Variants in PRDM15 observed in about 807,000 individuals in gnomAD.
The protein encoded by PRDM15 is PR domain zinc finger protein 15.
PRDM15 carries 64 observed loss-of-function variants against 128.6 expected under a neutral mutation model. The ratio of observed to expected loss-of-function variants is 0.50; its 90% CI spans 0.41 to 0.61. PRDM15 has a LOEUF of 0.61. PRDM15 is among the 20% of genes least tolerant of loss of function. The pLI, the probability that PRDM15 is intolerant of heterozygous loss-of-function variation, is 0.00. For synonymous variants in PRDM15, 615 were observed against 621.8 expected (o/e 0.99, Z 0.16); for missense variants, 1,242 against 1,569.1 (o/e 0.79, Z 3.52).
chr21:41,839,921 T>C (rs1351378238), intron 6 of PRDM15, 68 bp from the exon 7 acceptor site: 2 of 1,334,006 alleles, frequency 1.5e-6, no homozygotes, highest in Admixed American at 1.8e-5. Flanking sequence ...CACCCTGGCC[T>C]CTGGTTCCTA....
At chr21:41,842,429 G>A (rs1450067507) in intron 6 of PRDM15, among the ~76,000 whole-genome samples, 2 of 152,186 alleles carry the variant, frequency 1.3e-5, no homozygotes, top group East Asian at 1.9e-4. Context: ...AATAATCAGT[G>A]TATTCATAAT....
rs1345949827 is a variant in PRDM15 at position 41,801,458 on chromosome 21, A to G, written c.3208T>C (p.Ser1070Pro). The change falls in exon 24 of 24, where the codon TCG (serine) becomes CCG (proline). Residue 1070 changes from serine (S) to proline (P), a missense_variant. Physicochemically the swap from Ser to Pro is moderately conservative, Grantham distance 74. Around this residue, in one of 3 missense-constraint regions of PRDM15, gnomAD observed 602 missense variants for 788.3 expected, o/e 0.76. Transcript: ENST00000398548. Reference sequence around the variant, plus strand: ...AAATGGGCCACAGACTGTGGGTTCGAGGCTTCCGGCTGGGGGTGGATCTGG... The same window carrying G: ...AAATGGGCCACAGACTGTGGGTTCGGGGCTTCCGGCTGGGGGTGGATCTGG... ...DVQIHPQPEA[S>P]NPQSVAHFIN... The G allele has an allele frequency of 1.2e-6, 2 of 1,614,078 alleles. No homozygotes were observed. The highest frequency in any genetic ancestry group is 2.2e-5 in the South Asian group (2 of 91,078).
Position 41,815,696 on chromosome 21 carries a change from C to T in PRDM15, c.2392+9G>A, listed in dbSNP as rs770476969. The T allele has an allele frequency of 1.1e-5, 17 of 1,612,418 alleles. No homozygotes were observed. Among genetic ancestry groups the T allele is most frequent in the Admixed American group, 8.3e-5 (5 of 59,986 alleles). ...GCCGTGGCTGGCGCGGCCCGGGCCT[C>T]GGACTCACCCGTGTGCCGCTTGCAG... On this transcript the variant is annotated intron_variant, in intron 19 of 23. Coordinates refer to ENST00000398548, the MANE Select transcript of PRDM15 (RefSeq NM_001040424.3).
At chr21:41,855,649 C>T (rs920829554) in intron 4 of PRDM15, among the ~76,000 whole-genome samples, 1 of 152,188 alleles carries the variant, frequency 6.6e-6, no homozygotes, top group African/African-American at 2.4e-5. Context: ...GAGCTGAACG[C>T]TGGTGCATGC....
At chr21:41,825,937 C>T in intron 13 of PRDM15, 23 bp downstream of exon 13, 1 of 1,562,228 alleles carries the variant, frequency 6.4e-7, no homozygotes, top group African/African-American at 1.4e-5. Flanking sequence ...ATCTCAGCGT[C>T]CGACGTGGAC....
chr21:41,803,691 C>A (rs912940547), intron 22 of PRDM15, among the ~76,000 whole-genome samples: 3 of 152,158 alleles, frequency 2.0e-5, no homozygotes, highest in African/African-American at 7.2e-5. Context: ...GTAGAAATGG[C>A]CTGTGGGTTC....
chr21:41,836,353 C>T lies in PRDM15; in HGVS notation c.1183+115G>A. 3.0e-6 allele frequency: 4 copies of T among 1,313,686 alleles called. 1 individual carries two copies. Among genetic ancestry groups the T allele is most frequent in the Non-Finnish European group, 4.3e-6 (4 of 938,308 alleles). The allele number at this position is 1,313,686 out of a possible 1,614,324, so 81.4% of individuals were successfully genotyped here. ...ATGATCGCCCACAAATGCAGCCTCT[C>T]ACTGGCGCAGCTCGTGGGAGACGAC... is the stretch of plus-strand genomic sequence containing the variant. On this transcript the variant is annotated intron_variant, in intron 9 of 23. Coordinates refer to ENST00000398548, the MANE Select transcript of PRDM15 (RefSeq NM_001040424.3).
rs1555883669 is a variant in PRDM15 at position 41,843,950 on chromosome 21, TAAAAA to T, written c.640+3135_640+3139del. On this transcript the variant is annotated intron_variant, in intron 6 of 23. Coordinates refer to ENST00000398548, the MANE Select transcript of PRDM15 (RefSeq NM_001040424.3). ...GGTGACAGGGCAAGACCTTGTATTGTAAAAAAAAAAAAAAAAAAAAAGAAAGAAAG... is the reference window on the plus strand; with the variant it reads ...GGTGACAGGGCAAGACCTTGTATTGTAAAAAAAAAAAAAAAAGAAAGAAAG... Among the ~76,000 whole-genome samples the T allele has an allele frequency of 6.7e-4, 82 of 123,258 alleles. 1 individual carries two copies. In the Middle Eastern group the frequency reaches 0.02, roughly 31 times the overall value. The allele number at this position is 123,258 out of a possible 152,430, so 80.9% of individuals were successfully genotyped here. A position where few individuals can be genotyped will look rare whatever the true frequency, so the allele number is the denominator to read the frequency against.
At position 41,832,256 on chromosome 21, in the gene PRDM15, G is replaced by A. The variant is rs1227492439; in HGVS notation, c.1366+3181C>T. On this transcript the variant is annotated intron_variant, in intron 11 of 23. Coordinates refer to ENST00000398548, the MANE Select transcript of PRDM15 (RefSeq NM_001040424.3). The surrounding 1 kb of genome is among the most constrained non-coding windows in gnomAD (Gnocchi z 4.2). ...CTCTTTATCATGAATTCTTAGGAAT[G>A]GGACCACTAGAGCCAAGCGCTTTGT... Among the ~76,000 whole-genome samples, 2 of 152,160 alleles carry A rather than the reference G, an allele frequency of 1.3e-5. No individual in the cohort carries two copies. Among genetic ancestry groups the A allele is most frequent in the African/African-American group, 4.8e-5 (2 of 41,424 alleles).
chr21:41,823,967 C>T lies in PRDM15; in HGVS notation c.1630-518G>A, dbSNP rs949585352. 7.9e-5 allele frequency among the ~76,000 whole-genome samples: 12 copies of T among 152,206 alleles called. 1 individual carries two copies. Among genetic ancestry groups the T allele is most frequent in the Admixed American group, 7.9e-4 (12 of 15,284 alleles). On this transcript the variant is annotated intron_variant, in intron 13 of 23. Transcript: ENST00000398548. ...GCATCCAAGGGGGTCACCTCTGTGACCAGGGCTGGGGTTGGCGCTGGGTGG... is the reference window on the plus strand; with the variant it reads ...GCATCCAAGGGGGTCACCTCTGTGATCAGGGCTGGGGTTGGCGCTGGGTGG...
rs138195155 is a variant in PRDM15, at chr21:41,823,131, AG to A, written c.1761+186del. On this transcript the variant is annotated intron_variant, in intron 14 of 23. Transcript: ENST00000398548. Reference sequence around the variant, plus strand: ...AGTGAGAAGGCGCCGTCTACGAACCAGGAAGTGAGCCTCGCCAGACACCGAA... The same window carrying A: ...AGTGAGAAGGCGCCGTCTACGAACCAGAAGTGAGCCTCGCCAGACACCGAA... 3.1e-3 allele frequency: 2,310 copies of A among 740,158 alleles called. 44 individuals carry two copies. The African/African-American group carries it at 0.036, about 11-fold the overall frequency. 45.8% of individuals were successfully genotyped at this position (740,158 alleles called of 1,614,324 possible). A position where few individuals can be genotyped will look rare whatever the true frequency, so the allele number is the denominator to read the frequency against.
In PRDM15 at chr21:41,801,359, A is replaced by C; in HGVS notation, c.3307T>G (p.Trp1103Gly). The C allele has an allele frequency of 6.2e-7, 1 of 1,607,406 alleles. No individual in the cohort carries two copies. The highest frequency in any genetic ancestry group is 8.5e-7 in the Non-Finnish European group (1 of 1,175,100). ...ACGTCAGTCTGGGGCACTGCCCGCCACGTGAGCGGGTGCTGGTCACTAAGC... is the reference window on the plus strand; with the variant it reads ...ACGTCAGTCTGGGGCACTGCCCGCCCCGTGAGCGGGTGCTGGTCACTAAGC... The part of the protein sequence containing the change: ...SQLSDQHPLT[W>G]RAVPQTDVLP... The change falls in exon 24 of 24, where the codon TGG becomes GGG. Residue 1103 changes from tryptophan (W) to glycine (G), a missense_variant. Physicochemically the swap from Trp to Gly is radical, Grantham distance 184. Around this residue, in one of 3 missense-constraint regions of PRDM15, gnomAD observed 602 missense variants for 788.3 expected, o/e 0.76. Transcript: ENST00000398548.
At chr21:41,804,447 C>T in intron 22 of PRDM15, 87 bp downstream of exon 22, 2 of 1,065,634 alleles carry the variant, frequency 1.9e-6, no homozygotes, top group Non-Finnish European at 2.8e-6. Context: ...GCTGCTCCCT[C>T]CCGGCCTGTC....
rs1411332121 is a variant in PRDM15 at position 41,799,177 on chromosome 21, T to A, written c.*2063A>T. 1 of 152,224 alleles carries A rather than the reference T, an allele frequency of 6.6e-6. No homozygotes were observed. Among genetic ancestry groups the A allele is most frequent in the Non-Finnish European group, 1.5e-5 (1 of 68,030 alleles). The allele number at this position is 152,224 out of a possible 1,614,324, so 9.4% of individuals were successfully genotyped here. A position where few individuals can be genotyped will look rare whatever the true frequency, so the allele number is the denominator to read the frequency against. ...AAGAGGAATAAAAGATCAATGCTAGTGGGTGTTTCGTCATGAGCCCAAAGC... is the reference window on the plus strand; with the variant it reads ...AAGAGGAATAAAAGATCAATGCTAGAGGGTGTTTCGTCATGAGCCCAAAGC... On this transcript the variant is annotated 3_prime_UTR_variant, in exon 24 of 24. Transcript: ENST00000398548.
rs562281133 is a variant in PRDM15 at position 41,816,075 on chromosome 21, C to T, written c.2261-239G>A. ...TCACTCACTCCTGCCAGGGCCTGGC[C>T]GAGCCCTGACCACGCGAGCAACGCC... On this transcript the variant is annotated intron_variant, in intron 18 of 23. Coordinates refer to ENST00000398548, the MANE Select transcript of PRDM15 (RefSeq NM_001040424.3). Among the ~76,000 whole-genome samples the T allele has an allele frequency of 3.9e-5, 6 of 152,344 alleles. No homozygotes were observed. The East Asian group carries it at 7.7e-4, about 20-fold the overall frequency.
At chr21:41,844,680 GAC>G (rs1266790081) in intron 6 of PRDM15, among the ~76,000 whole-genome samples, 1 of 36,988 alleles carries the variant, frequency 2.7e-5, no homozygotes, top group Non-Finnish European at 5.0e-5. Flanking sequence ...CCCTCACAGG[GAC>G]ACACACAGCC....
At position 41,826,114 on chromosome 21, in the gene PRDM15, T is replaced by C. The variant is rs2062461893; in HGVS notation, c.1535-60A>G. 3 of 1,373,840 alleles carry C rather than the reference T, an allele frequency of 2.2e-6. No homozygotes were observed. In the Admixed American group the frequency reaches 5.1e-5, roughly 23 times the overall value. 85.1% of individuals were successfully genotyped at this position (1,373,840 alleles called of 1,614,324 possible). ...TACACATAGAACACGCGAAGGTCCATCAGATTCCACTTCAGCCAGCATCCT... is the reference window on the plus strand; with the variant it reads ...TACACATAGAACACGCGAAGGTCCACCAGATTCCACTTCAGCCAGCATCCT... On this transcript the variant is annotated intron_variant, in intron 12 of 23. Transcript: ENST00000398548.
chr21:41,864,869 C>A (rs2063944046), intron 1 of PRDM15, among the ~76,000 whole-genome samples: 1 of 151,696 alleles, frequency 6.6e-6, no homozygotes, highest in Non-Finnish European at 1.5e-5. Flanking sequence ...TCTCAGCAGC[C>A]TTCTCACCTC....
At chr21:41,858,312 C>T (rs968489550) in intron 3 of PRDM15, among the ~76,000 whole-genome samples, 4 of 152,166 alleles carry the variant, frequency 2.6e-5, no homozygotes, top group African/African-American at 7.2e-5. Flanking sequence ...ACAGGCCCCT[C>T]GGACAGAGGC....
Sources: gnomAD v4.1 joint callset for allele counts (sites outside exome capture counted in the v4.1 genomes callset) on GRCh38, gnomAD v4.1.1 for gene constraint, gnomAD v4.1.1 regional missense constraint, Gnocchi (gnomAD v3.1) non-coding constraint, MANE v1.5 for transcripts, NCBI Gene and HGNC (gene_info 2026-07-23, HGNC 2026-07-21) for gene names.